MAF: variants seen among roughly 807,000 people sequenced by gnomAD.
MAF encodes MAF bZIP transcription factor, also known as transcription factor Maf.
MAF carries 10 observed loss-of-function variants against 22.0 expected under a neutral mutation model. The ratio of observed to expected loss-of-function variants is 0.45; its 90% CI spans 0.28 to 0.77. MAF has a LOEUF of 0.77. MAF is among the 30% of genes least tolerant of loss of function. The probability of loss-of-function intolerance (pLI) is 0.12; values close to 1 mark genes in which losing one functional copy is unlikely to be tolerated. For synonymous variants in MAF, 337 were observed against 255.8 expected (o/e 1.32, Z -3.03); for missense variants, 544 against 548.4 (o/e 0.99, Z 0.08).
At chr16:79,427,258 T>C in the MAF span, among the ~76,000 whole-genome samples, 1 of 152,162 alleles carries the variant, frequency 6.6e-6, no homozygotes, top group Non-Finnish European at 1.5e-5. Flanking sequence ...TCAGAGCCCA[T>C]GTTTGGAAAG....
the MAF span, among the ~76,000 whole-genome samples, chr16:79,405,975 A>C: frequency 6.6e-6 from 1 of 151,994 alleles, no homozygotes; most frequent in East Asian, 1.9e-4. Context: ...GCAGAAGCCC[A>C]CTCTGTTCAT....
the MAF span, among the ~76,000 whole-genome samples, chr16:79,574,893 A>C: frequency 6.6e-5 from 10 of 152,274 alleles, no homozygotes; most frequent in African/African-American, 2.4e-4. Flanking sequence ...CTGAGTTGTA[A>C]AACTCAGAGT....
chr16:79,202,939 G>GACAT, the MAF span: 10 of 152,152 alleles, frequency 6.6e-5, no homozygotes, highest in Non-Finnish European at 1.2e-4. Flanking sequence ...CTTTAAAAAA[G>GACAT]ACATACCTTT....
the MAF span, among the ~76,000 whole-genome samples, chr16:79,393,649 G>C: frequency 6.6e-6 from 1 of 152,142 alleles, no homozygotes; most frequent in African/African-American, 2.4e-5. Flanking sequence ...TCTAGATCAA[G>C]GATTATTCCA....
chr16:79,410,684 G>A, the MAF span, among the ~76,000 whole-genome samples: 2 of 152,222 alleles, frequency 1.3e-5, no homozygotes, highest in Non-Finnish European at 2.9e-5. Flanking sequence ...TAGAGTGAAT[G>A]CAGGAAGGCT....
chr16:79,533,545 G>A, the MAF span, among the ~76,000 whole-genome samples: 11 of 152,188 alleles, frequency 7.2e-5, no homozygotes, highest in Admixed American at 3.9e-4. Context: ...AGAGGAAGAC[G>A]GCAGGGGGAG....
chr16:79,533,287 A>G, the MAF span, among the ~76,000 whole-genome samples: 2 of 152,178 alleles, frequency 1.3e-5, no homozygotes, highest in Non-Finnish European at 2.9e-5. Context: ...CTGCCTTTAC[A>G]TATCACTTTT....
chr16:79,231,047 A>C, the MAF span, among the ~76,000 whole-genome samples: 1 of 152,070 alleles, frequency 6.6e-6, no homozygotes, highest in Non-Finnish European at 1.5e-5. Context: ...TAAAATAAGA[A>C]ATGTCATGTT....
the MAF span, among the ~76,000 whole-genome samples, chr16:79,243,476 T>G: frequency 6.6e-6 from 1 of 151,964 alleles, no homozygotes; most frequent in Non-Finnish European, 1.5e-5. Context: ...AAGAAATGGA[T>G]AGATTCCTGG....
the MAF span, among the ~76,000 whole-genome samples, chr16:79,471,442 G>C: frequency 6.6e-6 from 1 of 152,142 alleles, no homozygotes; most frequent in African/African-American, 2.4e-5. Context: ...CAGATTGCTT[G>C]AGCCCAGGAG....
At chr16:79,350,979 C>T in the MAF span, among the ~76,000 whole-genome samples, 1 of 152,138 alleles carries the variant, frequency 6.6e-6, no homozygotes, top group East Asian at 1.9e-4. Context: ...GCCTGGCCCA[C>T]ATTCTTTTTT....
chr16:79,361,655 G>C, the MAF span, among the ~76,000 whole-genome samples: 7 of 152,242 alleles, frequency 4.6e-5, 1 homozygote, highest in Non-Finnish European at 8.8e-5. Context: ...CCTTTCAAGA[G>C]AAATTACGTC....
At chr16:79,433,303 T>C in the MAF span, among the ~76,000 whole-genome samples, 1 of 149,192 alleles carries the variant, frequency 6.7e-6, no homozygotes, top group Non-Finnish European at 1.5e-5. Flanking sequence ...TATATAATAC[T>C]ATGACCAGAA....
At chr16:79,349,232 C>T in the MAF span, among the ~76,000 whole-genome samples, 60 of 152,326 alleles carry the variant, frequency 3.9e-4, no homozygotes, top group African/African-American at 1.4e-3. Context: ...CAAAGTAAGT[C>T]ACCCCGAGTC....
chr16:79,503,617 G>A, the MAF span, among the ~76,000 whole-genome samples: 1 of 152,190 alleles, frequency 6.6e-6, no homozygotes, highest in Non-Finnish European at 1.5e-5. Context: ...TCTCCAGAGT[G>A]TGAACTCCTG....
chr16:79,385,439 T>C, the MAF span, among the ~76,000 whole-genome samples: 4 of 152,244 alleles, frequency 2.6e-5, no homozygotes, highest in Non-Finnish European at 5.9e-5. Flanking sequence ...AAACTCTGCC[T>C]GTTCTCTATG....
chr16:79,386,023 C>G, the MAF span, among the ~76,000 whole-genome samples: 1 of 152,188 alleles, frequency 6.6e-6, no homozygotes, highest in Non-Finnish European at 1.5e-5. Context: ...AGCCTGTCCT[C>G]AGAGCTTAGA....
chr16:79,214,624 C>A, the MAF span, among the ~76,000 whole-genome samples: 17 of 145,150 alleles, frequency 1.2e-4, no homozygotes, highest in South Asian at 3.9e-3. Context: ...CCAGGCTGGT[C>A]TTGAACTCCT....
chr16:79,357,544 TCAATCCTCACTGCAC>T, the MAF span, among the ~76,000 whole-genome samples: 2 of 152,040 alleles, frequency 1.3e-5, no homozygotes, highest in African/African-American at 2.4e-5. Flanking sequence ...CCCTGCTGGG[TCAATCCTCACTGCAC>T]TTTGCATCCG....
Sources: gnomAD v4.1 joint callset for allele counts (sites outside exome capture counted in the v4.1 genomes callset) on GRCh38, gnomAD v4.1.1 for gene constraint, MANE v1.5 for transcripts, NCBI Gene and HGNC (gene_info 2026-07-23, HGNC 2026-07-21) for gene names.